The following INPP4B variants were observed in gnomAD, a reference collection of about 807,000 sequenced individuals.
INPP4B encodes the protein inositol polyphosphate 4-phosphatase type II.
A neutral mutation model predicts 122.5 loss-of-function variants in INPP4B; 55 were observed. The observed-to-expected ratio is 0.45, with a 90% CI of 0.36 to 0.56. INPP4B has a LOEUF of 0.56. INPP4B is among the 20% of genes least tolerant of loss of function. The pLI is 0.00. For missense variants in INPP4B, 1,000 were observed against 1,097.7 expected (o/e 0.91, Z 1.26); for synonymous variants, 403 against 388.7 (o/e 1.04, Z -0.43).
chr4:142,651,421 T>C (rs530579142), intron 2 of INPP4B, among the ~76,000 whole-genome samples: 5 of 152,140 alleles, frequency 3.3e-5, no homozygotes, highest in Non-Finnish European at 4.4e-5. Flanking sequence ...AAAAAATAAA[T>C]GAATCCAGGA....
intron 3 of INPP4B, among the ~76,000 whole-genome samples, chr4:142,458,667 A>G (rs1406846789): frequency 1.3e-5 from 2 of 152,180 alleles, no homozygotes; most frequent in African/African-American, 4.8e-5. Flanking sequence ...ACTGGCACAG[A>G]AATATTCACT....
At chr4:142,224,179 C>A (rs527955935) in intron 12 of INPP4B, among the ~76,000 whole-genome samples, 1 of 152,184 alleles carries the variant, frequency 6.6e-6, no homozygotes, top group South Asian at 2.1e-4. Flanking sequence ...TGAAGGGGAA[C>A]CCTTGTCTGA....
chr4:142,208,916 G>C lies in INPP4B; in HGVS notation c.947C>G (p.Thr316Arg). The change falls in exon 13 of 26, where the codon ACA (threonine) becomes AGA (arginine). Residue 316 changes from threonine (T) to arginine (R), a missense_variant. Physicochemically the swap from Thr to Arg is moderately conservative, Grantham distance 71 (BLOSUM62 -1). Coordinates refer to ENST00000262992, the MANE Select transcript of INPP4B (RefSeq NM_001101669.3). ...QMVNMYQDIL[T>R]ELSKETGSSF... ...CACACCTGTTTCCTTGCTAAGTTCT[G>C]TCAGAATGTCTTGGTACATATTCAC... 2.5e-6 allele frequency: 4 copies of C among 1,572,930 alleles called. No individual in the cohort carries two copies. The highest frequency in any genetic ancestry group is 8.6e-7 in the Non-Finnish European group (1 of 1,156,726).
intron 17 of INPP4B, among the ~76,000 whole-genome samples, chr4:142,156,448 G>A (rs140493122): frequency 1.3e-3 from 195 of 152,218 alleles, no homozygotes; most frequent in African/African-American, 4.2e-3. Context: ...GAGATGTAGA[G>A]AAAGAAAAGT....
intron 7 of INPP4B, among the ~76,000 whole-genome samples, chr4:142,395,431 C>T (rs1799054259): frequency 6.6e-6 from 1 of 152,142 alleles, no homozygotes; most frequent in Non-Finnish European, 1.5e-5. Flanking sequence ...TTTTGTTTAA[C>T]TCATCAGGAA....
intron 17 of INPP4B, among the ~76,000 whole-genome samples, chr4:142,156,449 A>G (rs1579105525): frequency 2.0e-5 from 3 of 152,132 alleles, no homozygotes. Context: ...AGATGTAGAG[A>G]AAGAAAAGTA....
chr4:142,401,420 A>G (rs575507170), intron 7 of INPP4B, among the ~76,000 whole-genome samples: 1 of 152,340 alleles, frequency 6.6e-6, no homozygotes, highest in East Asian at 1.9e-4. Flanking sequence ...AATATTTTTC[A>G]GTTGCCAGTT....
At chr4:142,253,269 C>T (rs554171482) in intron 11 of INPP4B, among the ~76,000 whole-genome samples, 10 of 152,240 alleles carry the variant, frequency 6.6e-5, no homozygotes, top group South Asian at 4.2e-4. Context: ...CACATACTAC[C>T]GTAGACTTGG....
At chr4:142,703,400 G>A (rs555098583) in intron 2 of INPP4B, among the ~76,000 whole-genome samples, 1 of 152,256 alleles carries the variant, frequency 6.6e-6, no homozygotes, top group Non-Finnish European at 1.5e-5. Flanking sequence ...ATACTATTAT[G>A]GCAGAAGTAC....
intron 1 of INPP4B, among the ~76,000 whole-genome samples, chr4:142,769,431 A>C (rs1772678904): frequency 6.6e-6 from 1 of 152,160 alleles, no homozygotes. Flanking sequence ...ATTTTAGTAA[A>C]CTATAACTAA....
At chr4:142,112,168 A>G (rs1221955108) in intron 22 of INPP4B, among the ~76,000 whole-genome samples, 1 of 152,220 alleles carries the variant, frequency 6.6e-6, no homozygotes, top group East Asian at 1.9e-4. Context: ...AAAAAAGAGA[A>G]AAACTCTGTT....
chr4:142,607,012 T>A (rs1210370479), intron 2 of INPP4B, among the ~76,000 whole-genome samples: 1 of 151,916 alleles, frequency 6.6e-6, no homozygotes, highest in Non-Finnish European at 1.5e-5. Context: ...TAAATCTATA[T>A]AACATTATGT....
chr4:142,385,417 A>T (rs576554892), intron 7 of INPP4B, among the ~76,000 whole-genome samples: 1 of 151,984 alleles, frequency 6.6e-6, no homozygotes, highest in South Asian at 2.1e-4. Flanking sequence ...GGTAGAGCTC[A>T]GTATGAACTT....
chr4:142,268,150 C>T (rs1250978842), intron 10 of INPP4B, among the ~76,000 whole-genome samples: 2 of 150,510 alleles, frequency 1.3e-5, no homozygotes, highest in African/African-American at 2.4e-5. Context: ...GGTGAAACCC[C>T]GTCTCTACTA....
intron 25 of INPP4B, among the ~76,000 whole-genome samples, chr4:142,051,371 G>T (rs1754503319): frequency 6.6e-6 from 1 of 151,918 alleles, no homozygotes; most frequent in African/African-American, 2.4e-5. Flanking sequence ...AATACTAGAT[G>T]CTGGGTTAAC....
chr4:142,566,749 T>C (rs1282067099), intron 2 of INPP4B, among the ~76,000 whole-genome samples: 1 of 152,196 alleles, frequency 6.6e-6, no homozygotes, highest in African/African-American at 2.4e-5. Context: ...GCCCATATAA[T>C]GTTCTGTGTG....
intron 5 of INPP4B, among the ~76,000 whole-genome samples, chr4:142,423,175 T>G (rs1481351422): frequency 6.6e-6 from 1 of 151,988 alleles, no homozygotes; most frequent in Non-Finnish European, 1.5e-5. Flanking sequence ...TAGAAGATAA[T>G]TCATAAGTTG....
intron 2 of INPP4B, among the ~76,000 whole-genome samples, chr4:142,607,827 G>C (rs1248607319): frequency 6.6e-6 from 1 of 152,050 alleles, no homozygotes; most frequent in African/African-American, 2.4e-5. Flanking sequence ...AAGCCTGCTA[G>C]GGATGAAGAA....
intron 2 of INPP4B, among the ~76,000 whole-genome samples, chr4:142,681,742 G>A (rs1838085): frequency 0.86 from 129,879 of 151,764 alleles, 55,638 homozygotes; most frequent in African/African-American, 0.9. Flanking sequence ...TGTTAATAGT[G>A]GAAGAATAAG....
Sources: gnomAD v4.1 joint callset for allele counts (sites outside exome capture counted in the v4.1 genomes callset) on GRCh38, gnomAD v4.1.1 for gene constraint, MANE v1.5 for transcripts, NCBI Gene and HGNC (gene_info 2026-07-23, HGNC 2026-07-21) for gene names.